SAE1: variants seen among roughly 807,000 people sequenced by gnomAD.
SAE1 encodes SUMO-activating enzyme subunit 1.
SAE1 carries 11 observed loss-of-function variants against 40.6 expected under a neutral mutation model. That is an observed-to-expected ratio of 0.27 (90% confidence interval 0.17 to 0.45). The LOEUF is 0.45. Among genes scored for constraint, SAE1 ranks in the 20% least tolerant of loss-of-function variants. The pLI is 1.00. For missense variants in SAE1, 373 were observed against 427.3 expected (o/e 0.87, Z 1.12); for synonymous variants, 155 against 154.3 (o/e 1.00, Z -0.03).
At chr19:47,204,004 A>G (rs904938464) in intron 8 of SAE1, among the ~76,000 whole-genome samples, 9 of 151,876 alleles carry the variant, frequency 5.9e-5, no homozygotes, top group Non-Finnish European at 8.8e-5. Context: ...CCCTAACTGT[A>G]TTAGTTATCC....
At chr19:47,184,007 T>A (rs1809660663) in intron 6 of SAE1, among the ~76,000 whole-genome samples, 1 of 151,604 alleles carries the variant, frequency 6.6e-6, no homozygotes. Flanking sequence ...ATTATTTCCC[T>A]GTGACTTTTA....
chr19:47,188,775 G>A (rs909172139), intron 6 of SAE1, among the ~76,000 whole-genome samples: 1 of 152,194 alleles, frequency 6.6e-6, no homozygotes, highest in African/African-American at 2.4e-5. Context: ...GCTCTTCGCT[G>A]CTGCCCTCCA....
intron 6 of SAE1, among the ~76,000 whole-genome samples, chr19:47,191,612 C>T (rs1313208948): frequency 6.6e-6 from 1 of 152,174 alleles, no homozygotes; most frequent in Non-Finnish European, 1.5e-5. Flanking sequence ...TGGACAGTGG[C>T]AGGAACCCTG....
Position 47,148,691 on chromosome 19 carries a change from T to C in SAE1, c.211-1511T>C, listed in dbSNP as rs868133306. Among the ~76,000 whole-genome samples the C allele has an allele frequency of 2.0e-5, 3 of 151,170 alleles. No individual in the cohort carries two copies. The South Asian group carries it at 6.3e-4, about 32-fold the overall frequency. On this transcript the variant is annotated intron_variant, in intron 2 of 8. Transcript: ENST00000270225. ...GTGCAGTGGCACGACCTGGGCTCAA[T>C]GCAGCGTCTGCCTCCCAGGTTCAAG... is the stretch of plus-strand genomic sequence containing the variant.
chr19:47,144,825 CTGTT>C (rs1170480181), intron 2 of SAE1, among the ~76,000 whole-genome samples: 3 of 152,174 alleles, frequency 2.0e-5, no homozygotes, highest in Middle Eastern at 3.4e-3. Context: ...ATCTGACATG[CTGTT>C]TGTTTGTTTG....
At chr19:47,179,662 A>T (rs2058494288) in intron 6 of SAE1, among the ~76,000 whole-genome samples, 1 of 152,086 alleles carries the variant, frequency 6.6e-6, no homozygotes. Flanking sequence ...CTCACATCAC[A>T]GCCTCCCAAG....
At chr19:47,187,888 A>T (rs1250962871) in intron 6 of SAE1, among the ~76,000 whole-genome samples, 1 of 152,148 alleles carries the variant, frequency 6.6e-6, no homozygotes, top group Non-Finnish European at 1.5e-5. Flanking sequence ...TTATTCTTCA[A>T]ACAGGCTTCC....
intron 5 of SAE1, among the ~76,000 whole-genome samples, chr19:47,157,817 C>T (rs544276336): frequency 9.2e-5 from 14 of 152,148 alleles, no homozygotes; most frequent in African/African-American, 2.9e-4. Context: ...CTTAAGGTTA[C>T]GAGGCATTCA....
chr19:47,150,366 A>G lies in SAE1; in HGVS notation c.375A>G (p.Gln125=), dbSNP rs146041168. 2.6e-5 allele frequency: 41 copies of G among 1,602,108 alleles called. No homozygotes were observed. The African/African-American group carries it at 4.7e-4, about 18-fold the overall frequency. ...AGAAACCAGAGTCATTTTTCACTCA[A>G]TTCGATGCTGTAAGTTTCTTATTAT... The part of the protein sequence containing the change: ...IEKKPESFFT[Q]FDAVCLTCCS... Residue 125 remains glutamine, a synonymous_variant, in exon 3 of 9, where the codon CAA becomes CAG. Transcript: ENST00000270225.
chr19:47,152,390 G>C (rs1424048207), intron 3 of SAE1, among the ~76,000 whole-genome samples: 1 of 152,156 alleles, frequency 6.6e-6, no homozygotes, highest in East Asian at 1.9e-4. Context: ...ACCGCAATCT[G>C]TGGAAAAATG....
At chr19:47,186,581 T>TTTGCC (rs1166704281) in intron 6 of SAE1, among the ~76,000 whole-genome samples, 1 of 152,076 alleles carries the variant, frequency 6.6e-6, no homozygotes, top group Non-Finnish European at 1.5e-5. Context: ...GGTCTTTAAT[T>TTTGCC]TGGTAAGCAA....
chr19:47,197,242 A>T lies in SAE1; in HGVS notation c.743A>T (p.Lys248Met), dbSNP rs774314226. Residue 248 changes from lysine to methionine, a missense_variant, in exon 7 of 9, where the codon AAG becomes ATG. Physicochemically the swap from Lys to Met is moderately conservative, Grantham distance 95. Transcript: ENST00000270225. ...SDYFLLQVLL[K>M]FRTDKGRDPS... ...TTTTTCTTATTCCCAGTGCTCTTAAAGTTCCGTACAGATAAAGGAAGAGAT... is the reference window on the plus strand; with the variant it reads ...TTTTTCTTATTCCCAGTGCTCTTAATGTTCCGTACAGATAAAGGAAGAGAT... The T allele has an allele frequency of 1.2e-6, 2 of 1,601,542 alleles. No individual in the cohort carries two copies.
At chr19:47,154,479 G>GTTTT (rs1568590968) in intron 4 of SAE1, among the ~76,000 whole-genome samples, 5 of 91,706 alleles carry the variant, frequency 5.5e-5, no homozygotes, top group African/African-American at 2.0e-4. Flanking sequence ...ATTAAGTTTG[G>GTTTT]CTTTTTTTTT....
At chr19:47,208,757 A>G (rs2058698408) in intron 8 of SAE1, among the ~76,000 whole-genome samples, 2 of 151,490 alleles carry the variant, frequency 1.3e-5, no homozygotes, top group Admixed American at 1.3e-4. Context: ...GGATCTCACC[A>G]TGTTGCACAG....
chr19:47,137,745 T>G (rs1360333583), intron 1 of SAE1, among the ~76,000 whole-genome samples: 7 of 150,286 alleles, frequency 4.7e-5, no homozygotes, highest in Admixed American at 2.0e-4. Context: ...TTTTTTTTTT[T>G]TGTGATGGAC....
rs376236726 is a variant in SAE1 at position 47,209,203 on chromosome 19, C to T, written c.993C>T (p.Phe331=). The stretch of plus-strand genomic sequence containing the variant: ...CTCCTCACAACAACTTCTTCTTCTT[C>T]GATGGCATGAAGGGGAATGGGATTG... ...RDPPHNNFFF[F]DGMKGNGIVE... The change falls in exon 9 of 9, where the codon TTC becomes TTT. Residue 331 remains phenylalanine (F), a synonymous_variant. Coordinates refer to ENST00000270225, the MANE Select transcript of SAE1 (RefSeq NM_005500.3). The T allele has an allele frequency of 3.5e-5, 57 of 1,613,928 alleles. No homozygotes were observed. The highest frequency in any genetic ancestry group is 2.7e-4 in the African/African-American group (20 of 74,862).
At chr19:47,159,550 C>CTT (rs769129980) in intron 5 of SAE1, among the ~76,000 whole-genome samples, 3 of 142,848 alleles carry the variant, frequency 2.1e-5, no homozygotes, top group African/African-American at 2.6e-5. Context: ...TATTTTCTTC[C>CTT]TTTTTTTTTT....
chr19:47,206,081 C>G (rs2058685187), intron 8 of SAE1, among the ~76,000 whole-genome samples: 1 of 152,208 alleles, frequency 6.6e-6, no homozygotes, highest in Non-Finnish European at 1.5e-5. Flanking sequence ...GGCAGGTAGC[C>G]TTGACCCCAT....
chr19:47,151,621 G>A (rs1295477712), intron 3 of SAE1, among the ~76,000 whole-genome samples: 1 of 152,122 alleles, frequency 6.6e-6, no homozygotes, highest in African/African-American at 2.4e-5. Flanking sequence ...TATTTCATAT[G>A]TGCATCTGTT....
Sources: allele counts gnomAD v4.1 joint callset (sites outside exome capture counted in the v4.1 genomes callset), GRCh38; gene constraint gnomAD v4.1.1; transcripts MANE v1.5; gene names NCBI Gene and HGNC (gene_info 2026-07-23, HGNC 2026-07-21).